HCN1: variants seen among roughly 807,000 people sequenced by gnomAD.
The protein encoded by HCN1 is hyperpolarization activated cyclic nucleotide gated potassium channel 1, also known as potassium/sodium hyperpolarization-activated cyclic nucleotide-gated channel 1.
HCN1 carries 13 observed loss-of-function variants against 78.9 expected under a neutral mutation model. That is an observed-to-expected ratio of 0.16 (90% CI 0.11 to 0.26). The LOEUF is 0.26. HCN1 is among the 10% of genes least tolerant of loss of function. The pLI is 1.00. For synonymous variants in HCN1, 552 were observed against 455.5 expected, an observed-to-expected ratio of 1.21 and a Z score of -2.70; for missense variants, 810 against 1,154.3, an observed-to-expected ratio of 0.70 and a Z score of 4.32.
intron 6 of HCN1, among the ~76,000 whole-genome samples, chr5:45,293,336 C>G (rs1020903411): frequency 6.6e-6 from 1 of 151,898 alleles, no homozygotes; most frequent in Non-Finnish European, 1.5e-5. Context: ...ATTTGCCTTT[C>G]TTTAATGATC....
rs1313813538 is a variant in HCN1 at position 45,255,285 on chromosome 5, A to G, written c.*6636T>C. On this transcript the variant is annotated 3_prime_UTR_variant, in exon 8 of 8. Coordinates refer to ENST00000303230, the MANE Select transcript of HCN1 (RefSeq NM_021072.4). ...GCTTTCCTTGTCTAGCCAAGATCCC[A>G]TGCTATGTTGACTTGTCATCTCCAG... 6.6e-6 allele frequency: 1 copy of G among 152,170 alleles called. No individual in the cohort carries two copies. Among genetic ancestry groups the G allele is most frequent in the Non-Finnish European group, 1.5e-5 (1 of 68,026 alleles). The allele number at this position is 152,170 out of a possible 1,614,324, so 9.4% of individuals were successfully genotyped here.
chr5:45,584,158 G>A (rs1561209999), intron 2 of HCN1, among the ~76,000 whole-genome samples: 1 of 152,140 alleles, frequency 6.6e-6, no homozygotes, highest in African/African-American at 2.4e-5. Flanking sequence ...TATTGTGTGG[G>A]AGTCTAAGTC....
intron 2 of HCN1, among the ~76,000 whole-genome samples, chr5:45,593,986 T>G (rs1744437887): frequency 6.6e-6 from 1 of 152,168 alleles, no homozygotes; most frequent in African/African-American, 2.4e-5. Flanking sequence ...TATTCCTGAA[T>G]TTTAAATTTA....
chr5:45,265,016 C>A (rs1744829342), intron 7 of HCN1, among the ~76,000 whole-genome samples: 1 of 151,964 alleles, frequency 6.6e-6, no homozygotes, highest in Non-Finnish European at 1.5e-5. Flanking sequence ...TGGTGAAACC[C>A]CGTCTCTACT....
At chr5:45,693,030 T>A (rs556097919) in intron 1 of HCN1, among the ~76,000 whole-genome samples, 4 of 152,128 alleles carry the variant, frequency 2.6e-5, no homozygotes, top group African/African-American at 9.7e-5. Context: ...ATTTTAGGAA[T>A]TGTAGTAAAG....
At chr5:45,602,385 A>G (rs1744643894) in intron 2 of HCN1, among the ~76,000 whole-genome samples, 7 of 152,126 alleles carry the variant, frequency 4.6e-5, no homozygotes, top group Admixed American at 4.6e-4. Context: ...CACACAGAGG[A>G]AAGACCATGT....
chr5:45,561,871 T>A (rs1371593442), intron 2 of HCN1, among the ~76,000 whole-genome samples: 1 of 152,146 alleles, frequency 6.6e-6, no homozygotes, highest in African/African-American at 2.4e-5. Flanking sequence ...GGTGAACACA[T>A]CAATGTGCTG....
intron 5 of HCN1, among the ~76,000 whole-genome samples, chr5:45,315,463 G>A (rs1745965458): frequency 6.6e-6 from 1 of 152,142 alleles, no homozygotes; most frequent in Non-Finnish European, 1.5e-5. Flanking sequence ...GAGAAAGCAG[G>A]AAAGTTCTAA....
intron 2 of HCN1, among the ~76,000 whole-genome samples, chr5:45,493,319 C>T (rs879448678): frequency 9.2e-5 from 14 of 151,908 alleles, no homozygotes; most frequent in South Asian, 2.1e-4. Flanking sequence ...TGAGGCGTCA[C>T]GATCATCTGA....
At chr5:45,324,210 G>T (rs1264462579) in intron 5 of HCN1, among the ~76,000 whole-genome samples, 1 of 151,902 alleles carries the variant, frequency 6.6e-6, no homozygotes, top group Non-Finnish European at 1.5e-5. Context: ...CAATCTGAGT[G>T]AAGAGGCAAC....
Position 45,587,119 on chromosome 5 carries a change from A to G in HCN1, c.849+58066T>C, listed in dbSNP as rs2111936346. Among the ~76,000 whole-genome samples the G allele has an allele frequency of 1.3e-5, 2 of 152,316 alleles. 1 individual carries two copies. Reference sequence around the variant, plus strand: ...GTTGGTGGGACCGTAAACTAGTTCAACCACTGTGGAAGACAGTGTGGCAAT... The same window carrying G: ...GTTGGTGGGACCGTAAACTAGTTCAGCCACTGTGGAAGACAGTGTGGCAAT... On this transcript the variant is annotated intron_variant, in intron 2 of 7. Transcript: ENST00000303230.
intron 2 of HCN1, among the ~76,000 whole-genome samples, chr5:45,531,051 C>G (rs1742835158): frequency 1.3e-5 from 2 of 150,458 alleles, no homozygotes; most frequent in South Asian, 4.2e-4. Flanking sequence ...GAAATGCTAA[C>G]ACACATACAC....
intron 3 of HCN1, among the ~76,000 whole-genome samples, chr5:45,456,713 T>A (rs898681544): frequency 5.3e-5 from 8 of 152,040 alleles, no homozygotes; most frequent in Admixed American, 3.3e-4. Context: ...AGTAGGTGCA[T>A]AAAATGTAAA....
At chr5:45,374,125 A>AATATATATTATATACATAATATATATC (rs1561130257) in intron 4 of HCN1, among the ~76,000 whole-genome samples, 4 of 106,200 alleles carry the variant, frequency 3.8e-5, no homozygotes, top group Non-Finnish European at 7.3e-5. Flanking sequence ...TAATATATAT[A>AATATATATTATATACATAATATATATC]ATATATATTA....
At chr5:45,604,623 A>T (rs778119003) in intron 2 of HCN1, among the ~76,000 whole-genome samples, 2 of 151,964 alleles carry the variant, frequency 1.3e-5, no homozygotes, top group Non-Finnish European at 2.9e-5. Flanking sequence ...TAAATATATC[A>T]ACCTTTTTAA....
rs1744774168 is a variant in HCN1, at chr5:45,262,654, A to G, written c.1940T>C (p.Leu647Pro). 14 of 1,614,064 alleles carry G rather than the reference A, an allele frequency of 8.7e-6. No individual in the cohort carries two copies. The highest frequency in any genetic ancestry group is 4.5e-5 in the East Asian group (2 of 44,874). Reference sequence around the variant, plus strand: ...GGTCGTAGTAGACGATGTGGAATTCAGGGTTGTCATTTGAGGATAATTGAT... The same window carrying G: ...GGTCGTAGTAGACGATGTGGAATTCGGGGTTGTCATTTGAGGATAATTGAT... ...APINYPQMTT[L>P]NSTSSTTTPT... Residue 647 changes from leucine to proline, a missense_variant, in exon 8 of 8, where the codon CTG becomes CCG. Coordinates refer to ENST00000303230, the MANE Select transcript of HCN1 (RefSeq NM_021072.4).
At chr5:45,368,470 G>A (rs959200237) in intron 4 of HCN1, among the ~76,000 whole-genome samples, 1 of 151,940 alleles carries the variant, frequency 6.6e-6, no homozygotes, top group African/African-American at 2.4e-5. Context: ...AATTATTCTA[G>A]TGCACTATTT....
intron 2 of HCN1, among the ~76,000 whole-genome samples, chr5:45,547,029 T>C (rs1166965414): frequency 6.6e-6 from 1 of 151,982 alleles, no homozygotes; most frequent in Non-Finnish European, 1.5e-5. Flanking sequence ...AACCGGTCTC[T>C]ATGATTCTCT....
intron 2 of HCN1, among the ~76,000 whole-genome samples, chr5:45,538,156 T>C (rs1047572692): frequency 6.6e-6 from 1 of 152,136 alleles, no homozygotes; most frequent in African/African-American, 2.4e-5. Context: ...AAAATCCAAA[T>C]GAAACTAAGA....
Sources: gnomAD v4.1 joint callset for allele counts (sites outside exome capture counted in the v4.1 genomes callset) on GRCh38, gnomAD v4.1.1 for gene constraint, MANE v1.5 for transcripts, NCBI Gene and HGNC (gene_info 2026-07-23, HGNC 2026-07-21) for gene names.